RERE: variants seen among roughly 807,000 people sequenced by gnomAD.
The protein encoded by RERE is arginine-glutamic acid dipeptide repeats.
RERE carries 40 observed loss-of-function variants against 146.1 expected under a neutral mutation model. That is an observed-to-expected ratio of 0.27 (90% CI 0.21 to 0.36). The LOEUF is 0.36. Among genes scored for constraint, RERE ranks in the 10% least tolerant of loss-of-function variants. The pLI, the probability that RERE is intolerant of heterozygous loss-of-function variation, is 1.00. For missense variants in RERE, 1,933 were observed against 2,138.7 expected (o/e 0.90, Z 1.90); for synonymous variants, 1,003 against 866.0 (o/e 1.16, Z -2.78).
At chr1:8,445,313 C>G (rs1228891734) in intron 11 of RERE, among the ~76,000 whole-genome samples, 2 of 152,214 alleles carry the variant, frequency 1.3e-5, no homozygotes, top group Admixed American at 1.3e-4. Flanking sequence ...CCGTATGTAA[C>G]TGCTGTTCCA....
At chr1:8,514,013 C>T (rs1200209793) in intron 7 of RERE, among the ~76,000 whole-genome samples, 2 of 152,196 alleles carry the variant, frequency 1.3e-5, no homozygotes, top group African/African-American at 4.8e-5. Context: ...TTTCAAATAT[C>T]AACCAGTTCT....
intron 9 of RERE, among the ~76,000 whole-genome samples, chr1:8,496,887 A>C (rs945915221): frequency 6.6e-6 from 1 of 152,208 alleles, no homozygotes; most frequent in Non-Finnish European, 1.5e-5. Flanking sequence ...TTTTGTTTTA[A>C]ATTTTACTTT....
At chr1:8,648,093 G>A (rs575084951) in intron 2 of RERE, among the ~76,000 whole-genome samples, 4 of 152,262 alleles carry the variant, frequency 2.6e-5, no homozygotes, top group African/African-American at 9.6e-5. Context: ...TTAATGTTCT[G>A]TTCCCTGTAC....
At chr1:8,528,701 C>G (rs1201068673) in intron 7 of RERE, among the ~76,000 whole-genome samples, 1 of 152,022 alleles carries the variant, frequency 6.6e-6, no homozygotes, top group East Asian at 1.9e-4. Flanking sequence ...AGCAAATATT[C>G]CAAAATTCCC....
chr1:8,607,530 A>ATATTTT lies in RERE; in HGVS notation c.522+7030_522+7031insAAAATA, dbSNP rs1646732034. 6.9e-5 allele frequency among the ~76,000 whole-genome samples: 4 copies of ATATTTT among 57,598 alleles called. 1 individual carries two copies. The East Asian group carries it at 3.8e-3, about 55-fold the overall frequency. The allele number at this position is 57,598 out of a possible 152,430, so 37.8% of individuals were successfully genotyped here. A position where few individuals can be genotyped will look rare whatever the true frequency, so the allele number is the denominator to read the frequency against. On this transcript the variant is annotated intron_variant, in intron 4 of 22. Coordinates refer to ENST00000400908, the MANE Select transcript of RERE (RefSeq NM_001042681.2). The stretch of plus-strand genomic sequence containing the variant: ...GCCCCGCATATTTGTTTTTATATAT[A>ATATTTT]TTTCTTTTTTTTTTTTTTTTTTTTT...
chr1:8,720,944 TACTC>T (rs1361760831), intron 1 of RERE, among the ~76,000 whole-genome samples: 4 of 152,060 alleles, frequency 2.6e-5, no homozygotes, highest in Non-Finnish European at 5.9e-5. Flanking sequence ...CAATCCCAGT[TACTC>T]AGGAGGCTGA....
chr1:8,518,054 C>T (rs1343700801), intron 7 of RERE, among the ~76,000 whole-genome samples: 1 of 152,180 alleles, frequency 6.6e-6, no homozygotes, highest in Non-Finnish European at 1.5e-5. Flanking sequence ...CTTCTTCACC[C>T]TGAAGAAAGG....
chr1:8,370,479 G>A lies in RERE; in HGVS notation c.1285-4505C>T, dbSNP rs539509121. Among the ~76,000 whole-genome samples, 13 of 152,240 alleles carry A rather than the reference G, an allele frequency of 8.5e-5. No homozygotes were observed. In the East Asian group the frequency reaches 9.7e-4, roughly 11 times the overall value. On this transcript the variant is annotated intron_variant, in intron 12 of 22. Coordinates refer to ENST00000400908, the MANE Select transcript of RERE (RefSeq NM_001042681.2). ...GTACTTAAAGTGGGTGCATTTTTAC[G>A]GTATTCATACCATATATGGCAGGTT...
At chr1:8,737,021 C>A (rs1007874649) in intron 1 of RERE, among the ~76,000 whole-genome samples, 7 of 152,080 alleles carry the variant, frequency 4.6e-5, no homozygotes, top group Admixed American at 4.6e-4. Flanking sequence ...AAATGTATTC[C>A]TCTTTCCTCT....
At chr1:8,647,333 AACAAACCTGCTGGTGAACAG>A (rs1647362541) in intron 2 of RERE, among the ~76,000 whole-genome samples, 4 of 152,230 alleles carry the variant, frequency 2.6e-5, no homozygotes, top group Admixed American at 1.3e-4. Flanking sequence ...AGGTTCTGGG[AACAAACCTGCTGGTGAACAG>A]GGAATACACT....
intron 1 of RERE, among the ~76,000 whole-genome samples, chr1:8,751,636 G>A (rs887140842): frequency 1.6e-4 from 25 of 152,084 alleles, no homozygotes; most frequent in African/African-American, 5.8e-4. Context: ...CCAAAATACT[G>A]CGCTTATTCC....
At position 8,687,235 on chromosome 1, in the gene RERE, G is replaced by A. The variant is rs542132877; in HGVS notation, c.-144-30794C>T. On this transcript the variant is annotated intron_variant, in intron 1 of 22. Transcript: ENST00000400908. ...TACTATGTGAGAGGGCACGGGTGGC[G>A]CCTCAGAGAGTTCCCTGAACAGCTG... Among the ~76,000 whole-genome samples, 3 of 152,142 alleles carry A rather than the reference G, an allele frequency of 2.0e-5. No individual in the cohort carries two copies. The South Asian group carries it at 6.2e-4, about 32-fold the overall frequency.
chr1:8,539,210 G>A (rs1645766281), intron 7 of RERE, among the ~76,000 whole-genome samples: 1 of 152,098 alleles, frequency 6.6e-6, no homozygotes, highest in Non-Finnish European at 1.5e-5. Flanking sequence ...CCAAGTTCAA[G>A]CATTTTACAA....
intron 1 of RERE, among the ~76,000 whole-genome samples, chr1:8,713,156 TG>T (rs985959186): frequency 4.6e-5 from 7 of 152,202 alleles, no homozygotes; most frequent in Non-Finnish European, 7.4e-5. Context: ...TTGTCTTTTG[TG>T]GTAATTTATA....
intron 8 of RERE, 115 bp downstream of exon 8, chr1:8,508,512 T>A: frequency 1.3e-6 from 1 of 792,478 alleles, no homozygotes; most frequent in East Asian, 2.5e-5. Context: ...TCTGTATTTA[T>A]AAAAAATTCC....
chr1:8,706,567 C>G (rs1639565375), intron 1 of RERE, among the ~76,000 whole-genome samples: 2 of 152,206 alleles, frequency 1.3e-5, no homozygotes, highest in African/African-American at 4.8e-5. Flanking sequence ...GCAATATAAA[C>G]AGAATATAAA....
At chr1:8,721,040 C>G (rs912826025) in intron 1 of RERE, among the ~76,000 whole-genome samples, 1 of 151,964 alleles carries the variant, frequency 6.6e-6, no homozygotes, top group Non-Finnish European at 1.5e-5. Flanking sequence ...GGTGACAGAG[C>G]GAGACTCTAT....
chr1:8,390,868 C>T (rs1403345258), intron 12 of RERE, among the ~76,000 whole-genome samples: 2 of 152,170 alleles, frequency 1.3e-5, no homozygotes, highest in Non-Finnish European at 2.9e-5. Context: ...TGACGCTGTC[C>T]TCTCTGATTT....
chr1:8,498,732 T>TATAAACACAC (rs150497092), intron 8 of RERE, among the ~76,000 whole-genome samples: 1 of 107,836 alleles, frequency 9.3e-6, no homozygotes, highest in African/African-American at 3.8e-5. Flanking sequence ...AATAAATATA[T>TATAAACACAC]ACACACACAC....
Sources: allele counts gnomAD v4.1 joint callset (sites outside exome capture counted in the v4.1 genomes callset), GRCh38; gene constraint gnomAD v4.1.1; transcripts MANE v1.5; gene names NCBI Gene and HGNC (gene_info 2026-07-23, HGNC 2026-07-21).